Variants in PAK1IP1 observed in about 807,000 individuals in gnomAD.
PAK1IP1 encodes PAK1 interacting protein 1.
In PAK1IP1, 24 loss-of-function variants were observed where a neutral mutation model predicts 42.0. That is an observed-to-expected ratio of 0.57 (90% confidence interval 0.41 to 0.80). The LOEUF is 0.80. Ranked by LOEUF, PAK1IP1 falls within the 30% of genes least tolerant of loss-of-function variation. The pLI is 0.00. For missense variants in PAK1IP1, 411 were observed against 467.9 expected, an observed-to-expected ratio of 0.88 and a Z score of 1.12; for synonymous variants, 154 against 156.7, an observed-to-expected ratio of 0.98 and a Z score of 0.13.
At chr6:10,694,963 G>A, upstream of PAK1IP1, 2 of 1,565,154 alleles carry the variant, frequency 1.3e-6, no homozygotes, top group South Asian at 1.1e-5. Flanking sequence ...CCGGGCTGGC[G>A]GAAGAGGCAC....
chr6:10,694,474 C>G (rs1265383984), upstream of PAK1IP1: 2 of 155,004 alleles, frequency 1.3e-5, no homozygotes, highest in African/African-American at 4.8e-5. Flanking sequence ...ACCGCGAACC[C>G]TAATCCCACC....
intron 2 of PAK1IP1, among the ~76,000 whole-genome samples, chr6:10,698,502 G>A (rs1336734953): frequency 2.0e-5 from 3 of 152,176 alleles, no homozygotes; most frequent in East Asian, 1.9e-4. Context: ...AAGCAGTTCC[G>A]GATTATGAGA....
rs371916619 is a variant in PAK1IP1, at chr6:10,697,285, G to T, written c.85-39G>T. 8 of 1,578,668 alleles carry T rather than the reference G, an allele frequency of 5.1e-6. No homozygotes were observed. In the African/African-American group the frequency reaches 9.4e-5, roughly 19 times the overall value. On this transcript the variant is annotated intron_variant, in intron 1 of 9. Coordinates refer to ENST00000379568, the MANE Select transcript of PAK1IP1 (RefSeq NM_017906.3). ...AGTGGATAGAGTTGGTAGAACTGTG[G>T]TGTGACTGGCATTAATTGTATGTTT...
rs113395005 is a variant in PAK1IP1 at position 10,701,179 on chromosome 6, C to T, written c.248-1190C>T. 5.9e-3 allele frequency among the ~76,000 whole-genome samples: 892 copies of T among 152,252 alleles called. 7 individuals are homozygous for T. Among genetic ancestry groups the T allele is most frequent in the African/African-American group, 0.02 (833 of 41,544 alleles). On this transcript the variant is annotated intron_variant, in intron 2 of 9. Coordinates refer to ENST00000379568, the MANE Select transcript of PAK1IP1 (RefSeq NM_017906.3). ...GCAACCTCCATCTCCCGGGTTCAAG[C>T]GATTCTTGTGCCTCAGCCTCCTGAG...
At chr6:10,704,717 G>C (rs2127481001) in intron 6 of PAK1IP1, 30 bp from the exon 7 acceptor site, 1 of 1,594,962 alleles carries the variant, frequency 6.3e-7, no homozygotes, top group South Asian at 1.1e-5. Flanking sequence ...TGACATTCTG[G>C]ATGTTATTAC....
chr6:10,702,639 G>GGTAA lies in PAK1IP1; in HGVS notation c.443+3_443+6dup. ...TCGGTTGGTACAGATAAAACTTTAA[G>GGTAA]GTAAGTCATTAATGCTCAAGAGCAT... On this transcript the variant is annotated stop_gained and frameshift_variant and splice_region_variant. Transcript: ENST00000379568. LOFTEE classifies it high-confidence loss of function. The GGTAA allele has an allele frequency of 6.2e-7, 1 of 1,604,754 alleles. No homozygotes were observed. The highest frequency in any genetic ancestry group is 8.5e-7 in the Non-Finnish European group (1 of 1,171,846).
At chr6:10,699,424 G>C (rs1483965280) in intron 2 of PAK1IP1, among the ~76,000 whole-genome samples, 1 of 152,130 alleles carries the variant, frequency 6.6e-6, no homozygotes, top group African/African-American at 2.4e-5. Context: ...GTAGGGGACT[G>C]AAATGCAGGG....
chr6:10,690,948 C>T (rs1315849304), upstream of PAK1IP1, among the ~76,000 whole-genome samples: 5 of 152,094 alleles, frequency 3.3e-5, no homozygotes, highest in Admixed American at 6.6e-5. Flanking sequence ...AATGAAAATC[C>T]GCAATCTAAG....
upstream of PAK1IP1, chr6:10,694,599 AGCAACCG>A: frequency 5.6e-6 from 1 of 178,264 alleles, no homozygotes; most frequent in Non-Finnish European, 1.2e-5. Context: ...ACAGCCCCTA[AGCAACCG>A]GCCGGAAGTC....
At chr6:10,694,271 A>C (rs537781928), upstream of PAK1IP1, among the ~76,000 whole-genome samples, 13 of 151,748 alleles carry the variant, frequency 8.6e-5, no homozygotes, top group East Asian at 2.5e-3. Context: ...AAAAAAAAAA[A>C]AAAAAAAATG....
chr6:10,702,887 A>G (rs541278096), intron 4 of PAK1IP1, among the ~76,000 whole-genome samples: 1 of 151,972 alleles, frequency 6.6e-6, no homozygotes, highest in Non-Finnish European at 1.5e-5. Flanking sequence ...GCTCACTGCA[A>G]GCTCCGCCTC....
chr6:10,695,866 A>G (rs189065888), intron 1 of PAK1IP1, among the ~76,000 whole-genome samples: 2 of 150,632 alleles, frequency 1.3e-5, no homozygotes, highest in East Asian at 1.9e-4. Context: ...CACTTGGCCT[A>G]TTGCTTTCGT....
chr6:10,692,704 G>A (rs1769444501), upstream of PAK1IP1, among the ~76,000 whole-genome samples: 1 of 152,078 alleles, frequency 6.6e-6, no homozygotes, highest in Non-Finnish European at 1.5e-5. Context: ...AGGCATGCGT[G>A]AGCCACTGCG....
chr6:10,701,390 C>T (rs57424519), intron 2 of PAK1IP1, among the ~76,000 whole-genome samples: 2,954 of 152,280 alleles, frequency 0.019, 87 homozygotes, highest in African/African-American at 0.067. Context: ...GTTTAATTTT[C>T]TCTTCCTGCA....
At chr6:10,693,085 C>T (rs1372804385), upstream of PAK1IP1, among the ~76,000 whole-genome samples, 1 of 152,168 alleles carries the variant, frequency 6.6e-6, no homozygotes, top group Non-Finnish European at 1.5e-5. Context: ...CTGTTAAGCC[C>T]TATTGTATGT....
At chr6:10,697,784 G>T (rs1166748304) in intron 2 of PAK1IP1, among the ~76,000 whole-genome samples, 1 of 151,868 alleles carries the variant, frequency 6.6e-6, no homozygotes, top group Non-Finnish European at 1.5e-5. Flanking sequence ...ACAGCTACTC[G>T]GGAGGCGGAG....
chr6:10,691,651 TC>T (rs543742957), upstream of PAK1IP1, among the ~76,000 whole-genome samples: 870 of 152,096 alleles, frequency 5.7e-3, 8 homozygotes, highest in African/African-American at 0.02. Flanking sequence ...AGGGGTGGTC[TC>T]CCTCCCTTAA....
At chr6:10,692,288 C>T (rs7744606), upstream of PAK1IP1, among the ~76,000 whole-genome samples, 14,588 of 152,166 alleles carry the variant, frequency 0.096, 2,110 homozygotes, top group African/African-American at 0.31. Context: ...CTTACTAATA[C>T]CTTGTCTCAC....
intron 7 of PAK1IP1, among the ~76,000 whole-genome samples, chr6:10,706,891 C>CAA (rs1004022892): frequency 1.3e-4 from 12 of 89,326 alleles, no homozygotes; most frequent in Non-Finnish European, 2.3e-4. Flanking sequence ...GGCTCCATCT[C>CAA]AAAAAAAAAA....
Sources: allele counts gnomAD v4.1 joint callset (sites outside exome capture counted in the v4.1 genomes callset), GRCh38; gene constraint gnomAD v4.1.1; transcripts MANE v1.5; gene names NCBI Gene and HGNC (gene_info 2026-07-23, HGNC 2026-07-21).